Variants in DEPDC5 observed in about 807,000 individuals in gnomAD.
The protein encoded by DEPDC5 is GATOR1 complex protein DEPDC5.
In DEPDC5, 73 loss-of-function variants were observed where a neutral mutation model predicts 217.3. The ratio of observed to expected loss-of-function variants is 0.34; its 90% CI spans 0.28 to 0.41. The LOEUF is 0.41. DEPDC5 is among the 10% of genes least tolerant of loss of function. The probability of loss-of-function intolerance (pLI) is 1.00; values close to 1 mark genes in which losing one functional copy is unlikely to be tolerated. For missense variants in DEPDC5, 1,675 were observed against 2,070.1 expected (o/e 0.81, Z 3.70); for synonymous variants, 733 against 756.7 (o/e 0.97, Z 0.51).
intron 18 of DEPDC5, among the ~76,000 whole-genome samples, chr22:31,808,136 T>C (rs143680520): frequency 2.8e-4 from 42 of 152,282 alleles, no homozygotes; most frequent in African/African-American, 9.1e-4. Context: ...AGTCTCGCTC[T>C]GTCATGCCCA....
At chr22:31,768,906 G>C in intron 7 of DEPDC5, 43 bp downstream of exon 7, 1 of 1,606,906 alleles carries the variant, frequency 6.2e-7, no homozygotes, top group Non-Finnish European at 8.5e-7. Context: ...CAGTAACTGG[G>C]CTACATAAAG....
intron 8 of DEPDC5, among the ~76,000 whole-genome samples, chr22:31,781,060 T>C (rs1323612277): frequency 6.6e-6 from 1 of 151,844 alleles, no homozygotes; most frequent in Non-Finnish European, 1.5e-5. Flanking sequence ...CTACTAAACA[T>C]ACAAAATTAA....
At chr22:31,852,105 A>G (rs867515213) in intron 31 of DEPDC5, among the ~76,000 whole-genome samples, 2 of 152,100 alleles carry the variant, frequency 1.3e-5, no homozygotes, top group South Asian at 2.1e-4. Context: ...CTAGGCTGTA[A>G]TTAGCCTCAG....
intron 41 of DEPDC5, among the ~76,000 whole-genome samples, chr22:31,902,408 T>TTTTA (rs1491391820): frequency 9.8e-5 from 11 of 111,926 alleles, no homozygotes; most frequent in East Asian, 5.2e-4. Context: ...CATCTCCTTA[T>TTTTA]TATATATATA....
At chr22:31,785,800 A>G (rs566852835) in intron 10 of DEPDC5, among the ~76,000 whole-genome samples, 16 of 152,288 alleles carry the variant, frequency 1.1e-4, no homozygotes, top group Admixed American at 2.6e-4. Flanking sequence ...CCGTACATCT[A>G]TGGTCAGTTG....
At chr22:31,836,943 G>A (rs747835064) in intron 25 of DEPDC5, 29 bp from the exon 26 acceptor site, 7 of 1,575,806 alleles carry the variant, frequency 4.4e-6, no homozygotes, top group Non-Finnish European at 5.2e-6. Context: ...GTGACCACAT[G>A]TACCTTTTCC....
chr22:31,859,814 G>A (rs1414704471), intron 32 of DEPDC5, among the ~76,000 whole-genome samples: 1 of 152,228 alleles, frequency 6.6e-6, no homozygotes, highest in African/African-American at 2.4e-5. Flanking sequence ...AGGACAGTCT[G>A]TGTGTAAGGA....
chr22:31,819,254 G>A (rs2148802978), intron 22 of DEPDC5, 29 bp downstream of exon 22: 2 of 1,612,332 alleles, frequency 1.2e-6, no homozygotes, highest in Non-Finnish European at 1.7e-6. Context: ...AGAGAGCCTT[G>A]GACTAGGAGC....
chr22:31,791,717 A>G (rs2085663847), intron 10 of DEPDC5, among the ~76,000 whole-genome samples: 1 of 151,610 alleles, frequency 6.6e-6, no homozygotes, highest in Non-Finnish European at 1.5e-5. Flanking sequence ...TCACGAGGTC[A>G]GGAGATCGAG....
At chr22:31,845,309 C>A in intron 30 of DEPDC5, 72 bp downstream of exon 30, 2 of 1,527,468 alleles carry the variant, frequency 1.3e-6, no homozygotes, top group Non-Finnish European at 1.8e-6. Flanking sequence ...CTATTAGGGG[C>A]CTCTCATCAT....
At position 31,804,874 on chromosome 22, in the gene DEPDC5, T is replaced by G; in HGVS notation, c.1176T>G (p.Arg392=). 1 of 1,614,062 alleles carries G rather than the reference T, an allele frequency of 6.2e-7. No homozygotes were observed. Among genetic ancestry groups the G allele is most frequent in the Non-Finnish European group, 8.5e-7 (1 of 1,179,912 alleles). The part of the protein sequence containing the change: ...LHNRSAPRDS[R]LGDDYNIPHW... ...ATCGGAGTGCTCCCCGTGATTCTCG[T>G]CTGGGCGATGACTATAATATCCCTC... Residue 392 remains arginine, a synonymous_variant, in exon 17 of 43, where the codon CGT becomes CGG. Transcript: ENST00000651528.
chr22:31,764,030 A>G (rs2082616558), intron 4 of DEPDC5, among the ~76,000 whole-genome samples: 1 of 151,880 alleles, frequency 6.6e-6, no homozygotes, highest in Non-Finnish European at 1.5e-5. Context: ...CCTAGGTTCA[A>G]GCAATTCTCC....
chr22:31,879,909 C>A, intron 38 of DEPDC5, 157 bp downstream of exon 38: 1 of 699,114 alleles, frequency 1.4e-6, no homozygotes, highest in Non-Finnish European at 2.4e-6. Flanking sequence ...GGCTCCGTTG[C>A]TGACTTCCAC....
At chr22:31,757,084 G>A (rs1203569978) in intron 2 of DEPDC5, 2 of 151,602 alleles carry the variant, frequency 1.3e-5, no homozygotes, top group Non-Finnish European at 1.5e-5. Context: ...ATAAAACCAA[G>A]CAGAAGGGGA....
chr22:31,815,775 CCCATTGG>C (rs1285283997), intron 21 of DEPDC5: 1 of 1,224,210 alleles, frequency 8.2e-7, no homozygotes, highest in African/African-American at 1.6e-5. Context: ...GAGGGATCCA[CCCATTGG>C]CCTCCAAAAG....
chr22:31,824,836 CGTG>C (rs2090010729), intron 24 of DEPDC5, among the ~76,000 whole-genome samples: 1 of 151,742 alleles, frequency 6.6e-6, no homozygotes, highest in Non-Finnish European at 1.5e-5. Context: ...AATAACTGGG[CGTG>C]GTGGCGGGCA....
At position 31,810,756 on chromosome 22, in the gene DEPDC5, T is replaced by G. The variant is rs1306339015; in HGVS notation, c.1445+115T>G. On this transcript the variant is annotated intron_variant, in intron 20 of 42. Coordinates refer to ENST00000651528, the MANE Select transcript of DEPDC5 (RefSeq NM_001242896.3). ...AAATCTTGTTTTGTTTTGTTTTGTT[T>G]CGTTTTGGTTTTTTGTTTGTTTTGT... 3 of 1,519,568 alleles carry G rather than the reference T, an allele frequency of 2.0e-6. No homozygotes were observed. In the East Asian group the frequency reaches 6.8e-5, roughly 34 times the overall value. The allele number at this position is 1,519,568 out of a possible 1,614,324, so 94.1% of individuals were successfully genotyped here.
chr22:31,845,664 A>G (rs1057069005), intron 30 of DEPDC5, among the ~76,000 whole-genome samples: 1 of 152,130 alleles, frequency 6.6e-6, no homozygotes, highest in Admixed American at 6.6e-5. Context: ...GCGGAGACTC[A>G]GGCTTCTGGG....
At chr22:31,860,969 G>A (rs2092486860) in intron 32 of DEPDC5, among the ~76,000 whole-genome samples, 1 of 152,090 alleles carries the variant, frequency 6.6e-6, no homozygotes, top group Non-Finnish European at 1.5e-5. Context: ...ATCTTCCTTG[G>A]CATAGGTCTG....
Sources: allele counts gnomAD v4.1 joint callset (sites outside exome capture counted in the v4.1 genomes callset), GRCh38; gene constraint gnomAD v4.1.1; transcripts MANE v1.5; gene names NCBI Gene and HGNC (gene_info 2026-07-23, HGNC 2026-07-21).